RPTOR: variants seen among roughly 807,000 people sequenced by gnomAD.
RPTOR encodes regulatory associated protein of MTOR complex 1.
RPTOR carries 21 observed loss-of-function variants against 169.9 expected under a neutral mutation model. The ratio of observed to expected loss-of-function variants is 0.12; its 90% confidence interval spans 0.09 to 0.18. The LOEUF is 0.18. RPTOR is among the 10% of genes least tolerant of loss of function. The pLI, the probability that RPTOR is intolerant of heterozygous loss-of-function variation, is 1.00. For missense variants in RPTOR, 1,133 were observed against 1,855.9 expected (o/e 0.61, Z 7.16); for synonymous variants, 732 against 753.2 (o/e 0.97, Z 0.46).
intron 29 of RPTOR, among the ~76,000 whole-genome samples, chr17:80,958,810 G>T (rs898244653): frequency 6.6e-6 from 1 of 152,206 alleles, no homozygotes; most frequent in Non-Finnish European, 1.5e-5. Context: ...AAGTGGTAGA[G>T]ACCTAAGCAG....
At chr17:80,662,441 T>A (rs190431844) in intron 3 of RPTOR, among the ~76,000 whole-genome samples, 1 of 151,980 alleles carries the variant, frequency 6.6e-6, no homozygotes, top group East Asian at 1.9e-4. Context: ...TTTTTATGGA[T>A]AATTTGGTGG....
intron 17 of RPTOR, among the ~76,000 whole-genome samples, chr17:80,890,972 G>T (rs557017403): frequency 6.6e-6 from 1 of 151,872 alleles, no homozygotes; most frequent in East Asian, 1.9e-4. Context: ...CTAAGAATCC[G>T]TATTTTTTCT....
intron 7 of RPTOR, chr17:80,802,907 T>C (rs1207537486): frequency 6.6e-6 from 1 of 152,334 alleles, no homozygotes; most frequent in Admixed American, 6.5e-5. Context: ...CATTGATGCC[T>C]CTTCTCTAGA....
chr17:80,915,525 G>A (rs2068663160), intron 21 of RPTOR, among the ~76,000 whole-genome samples: 2 of 128,336 alleles, frequency 1.6e-5, no homozygotes, highest in Non-Finnish European at 3.4e-5. Context: ...CTGAGCAGAC[G>A]TCGGGAAAAC....
At chr17:80,687,648 A>G (rs2065958779) in intron 3 of RPTOR, among the ~76,000 whole-genome samples, 1 of 152,172 alleles carries the variant, frequency 6.6e-6, no homozygotes, top group African/African-American at 2.4e-5. Flanking sequence ...GCGAACAGTG[A>G]GTGCCACAGC....
rs1463937898 is a variant in RPTOR at position 80,681,661 on chromosome 17, G to C, written c.349-26180G>C. Reference sequence around the variant, plus strand: ...GTGTACGTCTCTTACACCTTCATGAGGTGTACGTCTCTTACAGCTTCATGA... The same window carrying C: ...GTGTACGTCTCTTACACCTTCATGACGTGTACGTCTCTTACAGCTTCATGA... On this transcript the variant is annotated intron_variant, in intron 3 of 33. Coordinates refer to ENST00000306801, the MANE Select transcript of RPTOR (RefSeq NM_020761.3). Among the ~76,000 whole-genome samples the C allele has an allele frequency of 4.0e-4, 34 of 86,066 alleles. 1 individual carries two copies. Among genetic ancestry groups the C allele is most frequent in the Non-Finnish European group, 6.4e-4 (28 of 43,870 alleles). 56.5% of individuals were successfully genotyped at this position (86,066 alleles called of 152,430 possible). A position where few individuals can be genotyped will look rare whatever the true frequency, so the allele number is the denominator to read the frequency against.
intron 4 of RPTOR, among the ~76,000 whole-genome samples, chr17:80,711,374 TTC>T (rs1491074896): frequency 1.3e-4 from 19 of 142,984 alleles, no homozygotes; most frequent in Admixed American, 7.5e-4. Context: ...GACACTTTTT[TTC>T]TTGTCCCCTG....
intron 3 of RPTOR, among the ~76,000 whole-genome samples, chr17:80,674,805 A>AAAAAC (rs2065849598): frequency 9.3e-6 from 1 of 107,476 alleles, no homozygotes; most frequent in Middle Eastern, 4.1e-3. Context: ...AAAAAAAAAA[A>AAAAAC]AAAAAAAAAA....
At chr17:80,670,147 G>A (rs1237619521) in intron 3 of RPTOR, among the ~76,000 whole-genome samples, 3 of 152,298 alleles carry the variant, frequency 2.0e-5, no homozygotes, top group Middle Eastern at 6.8e-3. Flanking sequence ...ACCGGACTCC[G>A]GGTTTCTTGG....
intron 2 of RPTOR, among the ~76,000 whole-genome samples, chr17:80,637,935 C>G (rs1012110383): frequency 1.6e-4 from 24 of 152,248 alleles, no homozygotes; most frequent in African/African-American, 5.8e-4. Context: ...TTGATTCTTG[C>G]AACCATTTGG....
intron 1 of RPTOR, among the ~76,000 whole-genome samples, chr17:80,549,011 TTGAC>T (rs1279180326): frequency 2.6e-5 from 4 of 152,240 alleles, no homozygotes; most frequent in African/African-American, 7.2e-5. Flanking sequence ...TTTACCAAAG[TTGAC>T]TGACTGATGA....
chr17:80,814,753 T>C (rs2067306887), intron 7 of RPTOR, among the ~76,000 whole-genome samples: 1 of 152,212 alleles, frequency 6.6e-6, no homozygotes, highest in Non-Finnish European at 1.5e-5. Context: ...AGAAAGAATG[T>C]AGTCCTCACT....
intron 11 of RPTOR, among the ~76,000 whole-genome samples, chr17:80,849,975 G>C (rs8065471): frequency 0.054 from 8,220 of 152,008 alleles, 712 homozygotes; most frequent in African/African-American, 0.19. Context: ...CTAGGTTATG[G>C]AAGAGAGGGG....
intron 3 of RPTOR, among the ~76,000 whole-genome samples, chr17:80,699,108 G>A (rs1385135293): frequency 6.6e-6 from 1 of 152,170 alleles, no homozygotes; most frequent in Non-Finnish European, 1.5e-5. Context: ...CCATCAAAAT[G>A]GAATTGTTTA....
chr17:80,725,422 G>T (rs1323564123), intron 4 of RPTOR, among the ~76,000 whole-genome samples: 2 of 152,214 alleles, frequency 1.3e-5, no homozygotes, highest in East Asian at 3.9e-4. Flanking sequence ...CTTTGATTAG[G>T]AATTATTCTC....
chr17:80,914,343 CGG>C (rs936420468), intron 21 of RPTOR, among the ~76,000 whole-genome samples: 1 of 152,184 alleles, frequency 6.6e-6, no homozygotes, highest in African/African-American at 2.4e-5. Flanking sequence ...TCTTGGGGGC[CGG>C]GAGCAGGCAG....
intron 1 of RPTOR, among the ~76,000 whole-genome samples, chr17:80,608,022 G>C (rs2143475223): frequency 6.6e-6 from 1 of 152,300 alleles, no homozygotes; most frequent in East Asian, 1.9e-4. Context: ...AAAGGATGTA[G>C]TTTTGCTGAC....
At chr17:80,922,134 T>C (rs2068752703) in intron 21 of RPTOR, among the ~76,000 whole-genome samples, 1 of 152,208 alleles carries the variant, frequency 6.6e-6, no homozygotes, top group Admixed American at 6.5e-5. Context: ...CTCAGGCTGC[T>C]GGTGGCTTTC....
intron 13 of RPTOR, among the ~76,000 whole-genome samples, chr17:80,874,296 A>C (rs2068082421): frequency 2.0e-5 from 3 of 151,808 alleles, no homozygotes; most frequent in African/African-American, 7.3e-5. Context: ...TCCCGGGTTC[A>C]AGCGATTTTC....
Sources: gnomAD v4.1 joint callset for allele counts (sites outside exome capture counted in the v4.1 genomes callset) on GRCh38, gnomAD v4.1.1 for gene constraint, MANE v1.5 for transcripts, NCBI Gene and HGNC (gene_info 2026-07-23, HGNC 2026-07-21) for gene names.